CRY2: variants seen among roughly 807,000 people sequenced by gnomAD.
CRY2 encodes cryptochrome circadian regulator 2, also known as cryptochrome-2.
CRY2 carries 31 observed loss-of-function variants against 69.5 expected under a neutral mutation model. That is an observed-to-expected ratio of 0.45 (90% confidence interval 0.34 to 0.60). CRY2 has a LOEUF of 0.60. Ranked by LOEUF, CRY2 falls within the 20% of genes least tolerant of loss-of-function variation. The pLI is 0.02. For missense variants in CRY2, 606 were observed against 797.8 expected, an observed-to-expected ratio of 0.76 and a Z score of 2.90; for synonymous variants, 303 against 312.2, an observed-to-expected ratio of 0.97 and a Z score of 0.31.
At chr11:45,880,507 G>A (rs564392174) in intron 11 of CRY2, among the ~76,000 whole-genome samples, 11 of 152,222 alleles carry the variant, frequency 7.2e-5, no homozygotes, top group African/African-American at 1.7e-4. Flanking sequence ...TGGTCCCAGC[G>A]GGCTTCTCTT....
At chr11:45,865,334 C>T (rs1590767384) in intron 5 of CRY2, among the ~76,000 whole-genome samples, 1 of 152,332 alleles carries the variant, frequency 6.6e-6, no homozygotes, top group African/African-American at 2.4e-5. Flanking sequence ...TGTCAAAGCT[C>T]TGTTTCCCAA....
In CRY2 at chr11:45,862,123, G is replaced by A. The variant is rs2086292922; in HGVS notation, c.716G>A (p.Arg239His). Residue 239 changes from arginine (R) to histidine (H), a missense_variant, in exon 5 of 12, where the codon CGC becomes CAC. Coordinates refer to ENST00000616080, the MANE Select transcript of CRY2 (RefSeq NM_021117.5). ...GGAGGAGAGACAGAAGCTCTGGCCC[G>A]CCTGGATAAGCACTTGGAACGGAAG... ...WQGGETEALARLDKHLERKAW... is the reference protein window; with the variant it reads ...WQGGETEALAHLDKHLERKAW... The A allele has an allele frequency of 2.5e-6, 4 of 1,613,640 alleles. No individual in the cohort carries two copies. The highest frequency in any genetic ancestry group is 1.1e-5 in the South Asian group (1 of 91,000).
chr11:45,856,146 C>A, intron 2 of CRY2, 56 bp downstream of exon 2: 1 of 1,349,410 alleles, frequency 7.4e-7, no homozygotes. Flanking sequence ...ACGGTTTCCC[C>A]ACAGCCTGAG....
At chr11:45,868,076 T>G (rs1590768809) in intron 6 of CRY2, 1 of 302,948 alleles carries the variant, frequency 3.3e-6, no homozygotes. Flanking sequence ...GTCCCCAGGG[T>G]GAGAGGCATG....
At chr11:45,855,955 C>A in intron 1 of CRY2, 27 bp from the exon 2 acceptor site, 1 of 1,568,334 alleles carries the variant, frequency 6.4e-7, no homozygotes, top group Middle Eastern at 1.7e-4. Context: ...GATGTTATCA[C>A]TAACAAGGCC....
chr11:45,856,692 A>AG (rs981093500), intron 2 of CRY2, among the ~76,000 whole-genome samples: 6 of 151,132 alleles, frequency 4.0e-5, no homozygotes, highest in African/African-American at 1.5e-4. Context: ...GCTACTCGAG[A>AG]GGCTGAGGCA....
intron 4 of CRY2, chr11:45,861,465 G>A (rs745564870): frequency 3.6e-5 from 6 of 165,808 alleles, no homozygotes; most frequent in Non-Finnish European, 5.2e-5. Context: ...TTTTTTAGAC[G>A]GAGTCTGGCT....
chr11:45,854,257 T>TGAA, intron 1 of CRY2, among the ~76,000 whole-genome samples: 1 of 152,304 alleles, frequency 6.6e-6, no homozygotes, highest in South Asian at 2.1e-4. Context: ...TGTGGGTTCT[T>TGAA]GAAGAAGAAG....
intron 5 of CRY2, 43 bp from the exon 6 acceptor site, chr11:45,867,569 A>C: frequency 6.2e-7 from 1 of 1,610,360 alleles, no homozygotes; most frequent in South Asian, 1.1e-5. Context: ...TTCCTCTGTT[A>C]CATCCAAGCC....
chr11:45,862,061 G>A lies in CRY2; in HGVS notation c.654G>A (p.Gly218=). Residue 218 remains glycine (G), a splice_region_variant and synonymous_variant, in exon 5 of 12, where the codon GGG becomes GGA. Transcript: ENST00000616080. ...TYGVPSLEEL[G]FPTEGLGPAV... ...CTTGTGACCTTTCCTTCTCTTCAGG[G>A]TTCCCCACTGAAGGACTTGGTCCAG... 1 of 1,613,388 alleles carries A rather than the reference G, an allele frequency of 6.2e-7. No homozygotes were observed. The highest frequency in any genetic ancestry group is 8.5e-7 in the Non-Finnish European group (1 of 1,179,716).
Position 45,870,204 on chromosome 11 carries a change from G to A in CRY2, c.1346G>A (p.Arg449Lys). The change falls in exon 8 of 12, where the codon AGG becomes AAG. Residue 449 changes from arginine (R) to lysine (K), a missense_variant and splice_region_variant. By Grantham distance (26) the Arg-to-Lys change is conservative (BLOSUM62 2). Coordinates refer to ENST00000616080, the MANE Select transcript of CRY2 (RefSeq NM_021117.5). The part of the protein sequence containing the change: ...RRTDPSGDYI[R>K]RYLPKLKAFP... ...ACGGACCCCAGTGGGGACTACATCA[G>A]GTGAGGATACAGACCAGGCTCTCTG... is the stretch of plus-strand genomic sequence containing the variant. The A allele has an allele frequency of 6.2e-7, 1 of 1,612,030 alleles. No individual in the cohort carries two copies. Among genetic ancestry groups the A allele is most frequent in the South Asian group, 1.1e-5 (1 of 90,946 alleles).
intron 1 of CRY2, among the ~76,000 whole-genome samples, chr11:45,853,166 C>G (rs943869462): frequency 1.3e-5 from 2 of 152,168 alleles, no homozygotes; most frequent in Non-Finnish European, 1.5e-5. Context: ...GCCTCAGTTC[C>G]CTCATCTATA....
At chr11:45,848,925 G>T (rs184710102) in intron 1 of CRY2, among the ~76,000 whole-genome samples, 199 of 152,242 alleles carry the variant, frequency 1.3e-3, no homozygotes, top group African/African-American at 4.6e-3. Context: ...ACAGTTTTCA[G>T]GCTGCCTTAT....
At chr11:45,860,127 C>T (rs1015760042) in intron 3 of CRY2, among the ~76,000 whole-genome samples, 19 of 152,196 alleles carry the variant, frequency 1.2e-4, no homozygotes, top group African/African-American at 2.9e-4. Flanking sequence ...AAACAGCCTC[C>T]GTTCTCTTCT....
At chr11:45,863,870 G>A (rs750300993) in intron 5 of CRY2, among the ~76,000 whole-genome samples, 1 of 152,140 alleles carries the variant, frequency 6.6e-6, no homozygotes, top group Non-Finnish European at 1.5e-5. Flanking sequence ...AATATGAGAT[G>A]CTGTTACTGA....
At chr11:45,872,349 A>T (rs183511497) in intron 11 of CRY2, 116 bp downstream of exon 11, 41 of 938,172 alleles carry the variant, frequency 4.4e-5, no homozygotes, top group African/African-American at 4.3e-4. Flanking sequence ...TGGTGGGACC[A>T]CCCAATGCTC....
Position 45,867,707 on chromosome 11 carries a change from C to G in CRY2, c.837C>G (p.Leu279=). ...GCCCCTACCTGCGCTTTGGTTGTCTCTCCTGCCGCCTCTTCTACTACCGCC... is the reference window on the plus strand; with the variant it reads ...GCCCCTACCTGCGCTTTGGTTGTCTGTCCTGCCGCCTCTTCTACTACCGCC... The part of the protein sequence containing the change: ...GLSPYLRFGC[L]SCRLFYYRLW... The change falls in exon 6 of 12, where the codon CTC becomes CTG. Residue 279 remains leucine, a synonymous_variant. Coordinates refer to ENST00000616080, the MANE Select transcript of CRY2 (RefSeq NM_021117.5). 6.2e-7 allele frequency: 1 copy of G among 1,614,254 alleles called. No homozygotes were observed.
chr11:45,854,713 AG>A (rs373485619), intron 1 of CRY2, among the ~76,000 whole-genome samples: 4 of 152,282 alleles, frequency 2.6e-5, no homozygotes, highest in Middle Eastern at 3.4e-3. Flanking sequence ...TAAATAAAAA[AG>A]GGCACAGAGA....
At chr11:45,861,827 T>G in intron 4 of CRY2, 1 of 502,450 alleles carries the variant, frequency 2.0e-6, no homozygotes, top group Non-Finnish European at 3.5e-6. Flanking sequence ...GGTCCGGGAT[T>G]GTTGTCATCT....
Sources: gnomAD v4.1 joint callset for allele counts (sites outside exome capture counted in the v4.1 genomes callset) on GRCh38, gnomAD v4.1.1 for gene constraint, MANE v1.5 for transcripts, NCBI Gene and HGNC (gene_info 2026-07-23, HGNC 2026-07-21) for gene names.